Variants in EHMT1 observed in about 807,000 individuals in gnomAD.
The protein encoded by EHMT1 is euchromatic histone lysine methyltransferase 1.
In EHMT1, 15 loss-of-function variants were observed where a neutral mutation model predicts 147.2. That is an observed-to-expected ratio of 0.10 (90% CI 0.07 to 0.16). The LOEUF is 0.16. Ranked by LOEUF, EHMT1 falls within the 10% of genes least tolerant of loss-of-function variation. The pLI is 1.00. For synonymous variants in EHMT1, 795 were observed against 709.6 expected (o/e 1.12, Z -1.91); for missense variants, 1,587 against 1,772.4 (o/e 0.90, Z 1.88).
chr9:137,801,682 A>C (rs1341430062), intron 18 of EHMT1, among the ~76,000 whole-genome samples: 1 of 152,126 alleles, frequency 6.6e-6, no homozygotes, highest in African/African-American at 2.4e-5. Context: ...TATTTTTAGT[A>C]GAGACGGGGT....
At chr9:137,631,394 G>A (rs1188283059) in intron 1 of EHMT1, among the ~76,000 whole-genome samples, 2 of 150,708 alleles carry the variant, frequency 1.3e-5, no homozygotes, top group African/African-American at 4.9e-5. Context: ...CTCTGTCTTG[G>A]AAAAAAAATA....
At chr9:137,738,520 T>C (rs1387039122) in intron 4 of EHMT1, 1 of 152,166 alleles carries the variant, frequency 6.6e-6, no homozygotes, top group African/African-American at 2.4e-5. Context: ...TACCATGTGA[T>C]CCAGCAGTTC....
chr9:137,646,766 C>T (rs939127623), intron 1 of EHMT1, among the ~76,000 whole-genome samples: 2 of 152,214 alleles, frequency 1.3e-5, no homozygotes, highest in African/African-American at 4.8e-5. Context: ...TGATTTTCAG[C>T]TTTAACATTA....
intron 1 of EHMT1, among the ~76,000 whole-genome samples, chr9:137,683,107 A>G (rs989735276): frequency 5.3e-5 from 8 of 152,346 alleles, no homozygotes; most frequent in African/African-American, 1.9e-4. Flanking sequence ...TTTCTGTTAC[A>G]TGGGTTAGTT....
intron 1 of EHMT1, among the ~76,000 whole-genome samples, chr9:137,686,159 G>T (rs1942407146): frequency 6.6e-6 from 1 of 152,104 alleles, no homozygotes; most frequent in South Asian, 2.1e-4. Context: ...TCCTTAAGTT[G>T]TCTTTTTATT....
chr9:137,620,564 A>AT (rs1564511462), intron 1 of EHMT1, among the ~76,000 whole-genome samples: 6 of 151,812 alleles, frequency 4.0e-5, no homozygotes, highest in Admixed American at 3.3e-4. Context: ...ATTTTTTTGT[A>AT]TTTTTTTGGT....
chr9:137,677,924 C>T (rs1339236778), intron 1 of EHMT1, among the ~76,000 whole-genome samples: 1 of 147,060 alleles, frequency 6.8e-6, no homozygotes, highest in South Asian at 2.1e-4. Context: ...AAAAAAAAAG[C>T]CGGGCGTGGC....
At chr9:137,654,375 TA>T (rs1938204815) in intron 1 of EHMT1, among the ~76,000 whole-genome samples, 2 of 76,428 alleles carry the variant, frequency 2.6e-5, no homozygotes, top group African/African-American at 5.3e-5. Context: ...CCCCACCCCT[TA>T]CCACCTCCCC....
intron 2 of EHMT1, chr9:137,715,752 T>C (rs2135470547): frequency 1.0e-6 from 1 of 985,442 alleles, no homozygotes; most frequent in Non-Finnish European, 1.2e-6. Flanking sequence ...AGACCACGGA[T>C]GTGCTCCAAG....
intron 7 of EHMT1, among the ~76,000 whole-genome samples, chr9:137,753,271 G>A (rs989420823): frequency 6.6e-5 from 10 of 152,124 alleles, no homozygotes; most frequent in Non-Finnish European, 1.3e-4. Context: ...CACAGGGGCC[G>A]AGCAGCGAGT....
chr9:137,833,474 C>T (rs973294254), intron 25 of EHMT1, among the ~76,000 whole-genome samples: 2 of 152,250 alleles, frequency 1.3e-5, no homozygotes, highest in Non-Finnish European at 2.9e-5. Context: ...CGTCTAGGTT[C>T]CTTGCTAGCT....
chr9:137,648,373 G>T (rs1161678083), intron 1 of EHMT1, among the ~76,000 whole-genome samples: 3 of 152,030 alleles, frequency 2.0e-5, no homozygotes, highest in Non-Finnish European at 4.4e-5. Context: ...TCAGTAGCCA[G>T]CTGGGTTGTG....
intron 1 of EHMT1, among the ~76,000 whole-genome samples, chr9:137,688,066 C>T (rs142706356): frequency 0.012 from 1,805 of 152,212 alleles, 42 homozygotes; most frequent in African/African-American, 0.04. Context: ...CTCTGTTGCC[C>T]AGGCTGGAGT....
intron 3 of EHMT1, 147 bp downstream of exon 3, chr9:137,717,329 G>A: frequency 1.9e-6 from 2 of 1,068,928 alleles, no homozygotes; most frequent in East Asian, 2.6e-5. Context: ...AAGGCCGGGA[G>A]CAGTGGCTTA....
At chr9:137,623,229 A>G (rs1460324609) in intron 1 of EHMT1, among the ~76,000 whole-genome samples, 1 of 151,634 alleles carries the variant, frequency 6.6e-6, no homozygotes, top group East Asian at 1.9e-4. Context: ...AAAAAAAAGA[A>G]AAAAAAGAAT....
Position 137,778,067 on chromosome 9 carries a change from CAT to C in EHMT1, c.2192+13_2192+14del, listed in dbSNP as rs766298831. The stretch of plus-strand genomic sequence containing the variant: ...CTCGACTCGGAAAAGTAAGACCTGA[CAT>C]GTGATTTCAGAGATGTCTCAGAGCC... On this transcript the variant is annotated intron_variant, in intron 13 of 26. Coordinates refer to ENST00000460843, the MANE Select transcript of EHMT1 (RefSeq NM_024757.5). The C allele has an allele frequency of 1.9e-5, 31 of 1,613,722 alleles. No homozygotes were observed. The highest frequency in any genetic ancestry group is 8.3e-5 in the Admixed American group (5 of 59,996).
chr9:137,746,551 A>G (rs1948557225), intron 6 of EHMT1: 1 of 152,240 alleles, frequency 6.6e-6, no homozygotes. Flanking sequence ...GATGTATGCT[A>G]TCTTCTAATA....
chr9:137,771,680 G>A (rs1950594160), intron 10 of EHMT1, among the ~76,000 whole-genome samples: 1 of 138,450 alleles, frequency 7.2e-6, no homozygotes, highest in Admixed American at 6.8e-5. Flanking sequence ...TCTTACCGAG[G>A]AGACCGGGGT....
intron 9 of EHMT1, among the ~76,000 whole-genome samples, chr9:137,761,433 A>G (rs372847365): frequency 5.3e-5 from 8 of 152,186 alleles, no homozygotes; most frequent in Admixed American, 3.9e-4. Flanking sequence ...CTTTAACACT[A>G]TATTTTTAGA....
Sources: gnomAD v4.1 joint callset for allele counts (sites outside exome capture counted in the v4.1 genomes callset) on GRCh38, gnomAD v4.1.1 for gene constraint, MANE v1.5 for transcripts, NCBI Gene and HGNC (gene_info 2026-07-23, HGNC 2026-07-21) for gene names.